MMP26: variants seen among roughly 807,000 people sequenced by gnomAD.
MMP26 encodes matrix metalloproteinase-26.
MMP26 carries 33 observed loss-of-function variants against 31.0 expected under a neutral mutation model. The ratio of observed to expected loss-of-function variants is 1.06; its 90% CI spans 0.81 to 1.42. MMP26 has a LOEUF of 1.42. Among genes scored for constraint, MMP26 ranks in the 40% most tolerant of loss-of-function variants. MMP26 has a pLI of 0.00. For missense variants in MMP26, 347 were observed against 316.1 expected (o/e 1.10, Z -0.74); for synonymous variants, 122 against 114.9 (o/e 1.06, Z -0.40).
intron 2 of MMP26, among the ~76,000 whole-genome samples, chr11:4,934,073 C>T (rs1326700475): frequency 7.7e-6 from 1 of 129,304 alleles, no homozygotes; most frequent in Non-Finnish European, 1.7e-5. Context: ...ATTTATAGTC[C>T]TTTGGCTATA....
intron 2 of MMP26, among the ~76,000 whole-genome samples, chr11:4,800,607 A>G (rs113995785): frequency 0.01 from 1,530 of 152,270 alleles, 30 homozygotes; most frequent in African/African-American, 0.034. Context: ...AGTCATACTA[A>G]TCTCTCTAGC....
intron 2 of MMP26, among the ~76,000 whole-genome samples, chr11:4,888,856 T>C (rs1379653818): frequency 1.3e-5 from 2 of 152,182 alleles, no homozygotes; most frequent in Non-Finnish European, 1.5e-5. Context: ...TTTGACTGAA[T>C]GCTCCTCAAC....
At chr11:4,909,598 A>G (rs565265263) in intron 2 of MMP26, 3 of 152,200 alleles carry the variant, frequency 2.0e-5, no homozygotes, top group Non-Finnish European at 4.4e-5. Flanking sequence ...TATTTTAAAC[A>G]AAGTTTGGTT....
chr11:4,914,678 G>A (rs745929611), intron 2 of MMP26: 3 of 1,387,622 alleles, frequency 2.2e-6, no homozygotes, highest in Non-Finnish European at 3.0e-6. Context: ...AGGCAAACAA[G>A]GGCACGTTTC....
rs1260285439 is a variant in MMP26, at chr11:4,933,955, T to G, written c.-144-54113T>G. Among the ~76,000 whole-genome samples, 3 of 147,510 alleles carry G rather than the reference T, an allele frequency of 2.0e-5. 1 individual carries two copies. Among genetic ancestry groups the G allele is most frequent in the Non-Finnish European group, 4.5e-5 (3 of 66,546 alleles). On this transcript the variant is annotated intron_variant, in intron 2 of 7. Transcript: ENST00000380390. Reference sequence around the variant, plus strand: ...TCCATGGTGTATATGTGCCACATTTTCTTAATCCAGTCTATCATTGTTGGA... The same window carrying G: ...TCCATGGTGTATATGTGCCACATTTGCTTAATCCAGTCTATCATTGTTGGA...
chr11:4,852,488 A>C (rs550454130), intron 2 of MMP26, among the ~76,000 whole-genome samples: 1 of 152,274 alleles, frequency 6.6e-6, no homozygotes, highest in South Asian at 2.1e-4. Flanking sequence ...TATCATACAG[A>C]GCATATTCAT....
rs73393083 is a variant in MMP26 at position 4,763,797 on chromosome 11, A to G, written c.-216-3473A>G. On this transcript the variant is annotated intron_variant, in intron 1 of 7. Transcript: ENST00000380390. ...AGATTTTTTGTAGATGATTTTGCAC[A>G]TTTTTAAATTCTCCTAAATTGTCAC... Among the ~76,000 whole-genome samples the G allele has an allele frequency of 4.4e-3, 666 of 152,308 alleles. 4 individuals carry two copies. Among genetic ancestry groups the G allele is most frequent in the African/African-American group, 0.014 (594 of 41,582 alleles).
intron 2 of MMP26, among the ~76,000 whole-genome samples, chr11:4,899,202 C>T (rs1156785964): frequency 6.6e-6 from 1 of 152,074 alleles, no homozygotes. Flanking sequence ...GTCTTAGTTC[C>T]GAAGAAAGGC....
At chr11:4,716,650 C>CTTTTTTTTTTTTTTT (rs71050424) in intron 1 of MMP26, among the ~76,000 whole-genome samples, 2 of 65,042 alleles carry the variant, frequency 3.1e-5, no homozygotes, top group Non-Finnish European at 5.3e-5. Flanking sequence ...TCTCTTACCT[C>CTTTTTTTTTTTTTTT]TTTTTTTTTT....
intron 2 of MMP26, chr11:4,768,838 A>G: frequency 2.1e-6 from 1 of 484,798 alleles, no homozygotes; most frequent in Non-Finnish European, 3.6e-6. Flanking sequence ...TTATGACCAA[A>G]TATACAACAT....
chr11:4,805,361 C>G (rs1849252870), intron 2 of MMP26, among the ~76,000 whole-genome samples: 1 of 152,170 alleles, frequency 6.6e-6, no homozygotes, highest in African/African-American at 2.4e-5. Context: ...AAAGTGAGAT[C>G]ACAAAATTTT....
At chr11:4,709,684 T>A (rs754841199) in intron 1 of MMP26, 1 of 458,384 alleles carries the variant, frequency 2.2e-6, no homozygotes, top group African/African-American at 2.0e-5. Flanking sequence ...CTCTATGTCA[T>A]TGCTATCTCT....
At chr11:4,738,621 T>C (rs1372910362) in intron 1 of MMP26, among the ~76,000 whole-genome samples, 1 of 152,192 alleles carries the variant, frequency 6.6e-6, no homozygotes, top group Non-Finnish European at 1.5e-5. Context: ...AGAATTTGGC[T>C]TTTACCTCAT....
intron 2 of MMP26, among the ~76,000 whole-genome samples, chr11:4,857,728 G>A (rs532952939): frequency 8.5e-5 from 13 of 152,216 alleles, no homozygotes; most frequent in African/African-American, 3.1e-4. Context: ...CATTTTATGA[G>A]GCCAGCATCA....
At chr11:4,870,817 GA>G (rs1202522639) in intron 2 of MMP26, among the ~76,000 whole-genome samples, 2 of 152,120 alleles carry the variant, frequency 1.3e-5, no homozygotes, top group African/African-American at 4.8e-5. Flanking sequence ...TATCAAGTAG[GA>G]AGCTGATCTG....
rs556622287 is a variant in MMP26, at chr11:4,909,195, C to T, written c.-144-78873C>T. 9 of 151,910 alleles carry T rather than the reference C, an allele frequency of 5.9e-5. No individual in the cohort carries two copies. In the East Asian group the frequency reaches 1.5e-3, roughly 26 times the overall value. The allele number at this position is 151,910 out of a possible 1,614,324, so 9.4% of individuals were successfully genotyped here. A position where few individuals can be genotyped will look rare whatever the true frequency, so the allele number is the denominator to read the frequency against. On this transcript the variant is annotated intron_variant, in intron 2 of 7. Coordinates refer to ENST00000380390, the MANE Select transcript of MMP26 (RefSeq NM_021801.5). ...CTTAAAAATTGATTCCTGCAGGACA[C>T]GACATTTGGTACCACAATAATTTTC...
chr11:4,759,918 G>A (rs764838988), intron 1 of MMP26, among the ~76,000 whole-genome samples: 20 of 152,170 alleles, frequency 1.3e-4, no homozygotes, highest in Admixed American at 8.5e-4. Context: ...TACCCAGTCG[G>A]CCTCTCGCTA....
In MMP26 at chr11:4,907,266, G is replaced by T; in HGVS notation, c.-144-80802G>T. ...AAATATGCCTTTGAGTATAGTATAC[G>T]AATGAACCCCTTATCCTCACAAAAC... On this transcript the variant is annotated intron_variant, in intron 2 of 7. Coordinates refer to ENST00000380390, the MANE Select transcript of MMP26 (RefSeq NM_021801.5). 7.2e-6 allele frequency: 5 copies of T among 698,684 alleles called. No individual in the cohort carries two copies. The South Asian group carries it at 7.3e-5, about 10-fold the overall frequency. 43.3% of individuals were successfully genotyped at this position (698,684 alleles called of 1,614,324 possible). A position where few individuals can be genotyped will look rare whatever the true frequency, so the allele number is the denominator to read the frequency against.
chr11:4,842,436 A>G (rs1849808988), intron 2 of MMP26, among the ~76,000 whole-genome samples: 1 of 152,194 alleles, frequency 6.6e-6, no homozygotes, highest in Non-Finnish European at 1.5e-5. Context: ...TGGAGGCCTC[A>G]AGAAACTTAC....
Sources: allele counts gnomAD v4.1 joint callset (sites outside exome capture counted in the v4.1 genomes callset), GRCh38; gene constraint gnomAD v4.1.1; transcripts MANE v1.5; gene names NCBI Gene and HGNC (gene_info 2026-07-23, HGNC 2026-07-21).